The following SLIT3 variants were observed in gnomAD, a reference collection of about 807,000 sequenced individuals.
SLIT3 encodes the protein slit guidance ligand 3.
A neutral mutation model predicts 184.0 loss-of-function variants in SLIT3; 68 were observed. The observed-to-expected ratio is 0.37, with a 90% CI of 0.30 to 0.45. SLIT3 has a LOEUF of 0.45. SLIT3 is among the 20% of genes least tolerant of loss of function. The pLI, the probability that SLIT3 is intolerant of heterozygous loss-of-function variation, is 1.00. For missense variants in SLIT3, 1,707 were observed against 2,026.0 expected (o/e 0.84, Z 3.02); for synonymous variants, 831 against 828.6 (o/e 1.00, Z -0.05).
chr5:168,951,100 A>G (rs930589946), intron 4 of SLIT3, among the ~76,000 whole-genome samples: 2 of 152,182 alleles, frequency 1.3e-5, no homozygotes, highest in African/African-American at 4.8e-5. Flanking sequence ...GCTGCCTGTA[A>G]TCCCGGCTAC....
intron 12 of SLIT3, among the ~76,000 whole-genome samples, chr5:168,774,655 C>A (rs888473945): frequency 1.3e-5 from 2 of 152,130 alleles, no homozygotes; most frequent in Non-Finnish European, 2.9e-5. Flanking sequence ...TGAAGGAAGA[C>A]CTGAAAAGGC....
chr5:168,842,570 A>G (rs574842643), intron 6 of SLIT3, among the ~76,000 whole-genome samples: 141 of 145,254 alleles, frequency 9.7e-4, no homozygotes, highest in African/African-American at 3.4e-3. Context: ...CAAAGTTAGG[A>G]AAGTGGAAGG....
chr5:169,188,744 T>A (rs1037972856), intron 4 of SLIT3, among the ~76,000 whole-genome samples: 10 of 152,184 alleles, frequency 6.6e-5, no homozygotes, highest in African/African-American at 2.4e-4. Context: ...ATGCCAATTA[T>A]TTTCCCCCAG....
At chr5:169,007,205 T>G (rs1287157637) in intron 4 of SLIT3, among the ~76,000 whole-genome samples, 1 of 152,234 alleles carries the variant, frequency 6.6e-6, no homozygotes, top group Non-Finnish European at 1.5e-5. Flanking sequence ...GTAAGTTTCC[T>G]GAGGCCTCCT....
chr5:168,748,833 A>G (rs1014304025), intron 19 of SLIT3, among the ~76,000 whole-genome samples: 1 of 152,172 alleles, frequency 6.6e-6, no homozygotes, highest in Non-Finnish European at 1.5e-5. Context: ...CCAAGCCTCC[A>G]TTGTGCCTTA....
chr5:168,882,745 C>T (rs1760004459), intron 5 of SLIT3, among the ~76,000 whole-genome samples: 1 of 152,124 alleles, frequency 6.6e-6, no homozygotes, highest in South Asian at 2.1e-4. Context: ...GGAAATGGAT[C>T]TGGCTATGTC....
intron 18 of SLIT3, among the ~76,000 whole-genome samples, chr5:168,749,977 A>T (rs1754643620): frequency 6.6e-6 from 1 of 152,006 alleles, no homozygotes; most frequent in African/African-American, 2.4e-5. Flanking sequence ...GCTTCTTCTC[A>T]TTCTTTAGTC....
chr5:169,215,096 G>T (rs1399851658), intron 3 of SLIT3, among the ~76,000 whole-genome samples: 2 of 152,076 alleles, frequency 1.3e-5, no homozygotes, highest in Admixed American at 6.6e-5. Context: ...TTTCCTGCTG[G>T]AAATCCTTCA....
chr5:169,012,928 A>G (rs1394189432), intron 4 of SLIT3: 2 of 152,224 alleles, frequency 1.3e-5, no homozygotes, highest in Non-Finnish European at 2.9e-5. Context: ...GCGTCTATCA[A>G]ATGAGAATAG....
intron 3 of SLIT3, among the ~76,000 whole-genome samples, chr5:169,222,429 A>C (rs758178511): frequency 1.3e-5 from 2 of 152,222 alleles, no homozygotes; most frequent in Non-Finnish European, 2.9e-5. Flanking sequence ...ATTGCTAGTA[A>C]AGAATCGTAC....
intron 25 of SLIT3, among the ~76,000 whole-genome samples, chr5:168,709,676 G>T (rs573118522): frequency 1.1e-3 from 158 of 146,060 alleles, no homozygotes; most frequent in Non-Finnish European, 1.8e-3. Context: ...ACTAAAGTTT[G>T]AGAGGGTAAT....
At chr5:169,284,359 A>C (rs1055407311) in intron 1 of SLIT3, among the ~76,000 whole-genome samples, 1 of 152,210 alleles carries the variant, frequency 6.6e-6, no homozygotes, top group Non-Finnish European at 1.5e-5. Flanking sequence ...CCATGAGGGT[A>C]TCTTCCCAGA....
At chr5:169,269,291 T>C (rs1489206100) in intron 1 of SLIT3, among the ~76,000 whole-genome samples, 2 of 152,252 alleles carry the variant, frequency 1.3e-5, no homozygotes, top group Admixed American at 6.5e-5. Flanking sequence ...CCAACTCTTG[T>C]TGACTCCACG....
intron 9 of SLIT3, 119 bp downstream of exon 9, chr5:168,806,327 T>G: frequency 9.4e-7 from 1 of 1,062,538 alleles, no homozygotes. Flanking sequence ...GATTCCTGAG[T>G]GTTTTTAATG....
At chr5:168,893,356 G>A in intron 4 of SLIT3, among the ~76,000 whole-genome samples, 1 of 152,118 alleles carries the variant, frequency 6.6e-6, no homozygotes, top group East Asian at 1.9e-4. Context: ...CTGACATACT[G>A]GTCCCCACCC....
At chr5:169,017,842 G>C (rs945455351) in intron 4 of SLIT3, 1 of 152,170 alleles carries the variant, frequency 6.6e-6, no homozygotes, top group East Asian at 1.9e-4. Context: ...CTTTCATAAG[G>C]AGGAGTCAGA....
chr5:168,830,505 G>C (rs1378861987), intron 6 of SLIT3, among the ~76,000 whole-genome samples: 2 of 152,194 alleles, frequency 1.3e-5, no homozygotes, highest in African/African-American at 4.8e-5. Flanking sequence ...TAATGAGCTA[G>C]ACTAGTCAAG....
intron 4 of SLIT3, among the ~76,000 whole-genome samples, chr5:169,150,761 G>C (rs1035557623): frequency 2.6e-5 from 4 of 152,178 alleles, no homozygotes; most frequent in African/African-American, 7.2e-5. Flanking sequence ...ATCTGCATAA[G>C]AGAGGTCTTA....
chr5:169,128,252 A>ATATATATATACATATATATATT (rs1473741612), intron 4 of SLIT3, among the ~76,000 whole-genome samples: 29 of 146,850 alleles, frequency 2.0e-4, no homozygotes, highest in African/African-American at 7.3e-4. Context: ...ACACACATTT[A>ATATATATATACATATATATATT]TATATATATA....
Sources: gnomAD v4.1 joint callset for allele counts (sites outside exome capture counted in the v4.1 genomes callset) on GRCh38, gnomAD v4.1.1 for gene constraint, MANE v1.5 for transcripts, NCBI Gene and HGNC (gene_info 2026-07-23, HGNC 2026-07-21) for gene names.